Variants in MFSD11 observed in about 807,000 individuals in gnomAD.
The protein encoded by MFSD11 is major facilitator superfamily domain containing 11, also known as UNC93-like protein MFSD11.
MFSD11 carries 36 observed loss-of-function variants against 53.5 expected under a neutral mutation model. The ratio of observed to expected loss-of-function variants is 0.67; its 90% CI spans 0.52 to 0.89. The LOEUF (loss-of-function observed/expected upper bound fraction) is 0.89, where lower values mean the gene tolerates loss of function less well. MFSD11 is among the 40% of genes least tolerant of loss of function. The pLI, the probability that MFSD11 is intolerant of heterozygous loss-of-function variation, is 0.00. For missense variants in MFSD11, 530 were observed against 543.9 expected (o/e 0.97, Z 0.25); for synonymous variants, 186 against 184.9 (o/e 1.01, Z -0.05).
the MFSD11 span, among the ~76,000 whole-genome samples, chr17:76,797,299 A>T: frequency 6.6e-6 from 1 of 152,146 alleles, no homozygotes; most frequent in Non-Finnish European, 1.5e-5. Context: ...TAAGCAAGGG[A>T]TGGATTTTTT....
the MFSD11 span, among the ~76,000 whole-genome samples, chr17:76,797,343 A>G: frequency 1.3e-5 from 2 of 152,170 alleles, no homozygotes; most frequent in Admixed American, 6.6e-5. Context: ...AGCAAGCCCC[A>G]GAACTGAGGG....
At chr17:76,751,000 C>T (rs1310066461) in intron 7 of MFSD11, among the ~76,000 whole-genome samples, 1 of 151,396 alleles carries the variant, frequency 6.6e-6, no homozygotes, top group East Asian at 2.0e-4. Flanking sequence ...GGGGTTTCAC[C>T]ATGTTGGCCA....
Position 76,775,003 on chromosome 17 carries a change from G to T in MFSD11, c.881G>T (p.Ser294Ile). 1.2e-6 allele frequency: 2 copies of T among 1,613,462 alleles called. No individual in the cohort carries two copies. The part of the protein sequence containing the change: ...FIGIGEILGG[S>I]LFGLLSKNNR... ...CTGCCATCTTGACTTATAGGTGGAA[G>T]CCTCTTCGGCCTGCTGAGCAAGAAC... Residue 294 changes from serine to isoleucine, a missense_variant, in exon 11 of 13, where the codon AGC becomes ATC. Ser to Ile is a moderately radical substitution (Grantham distance 142). Transcript: ENST00000685175.
In MFSD11 at chr17:76,744,405, G is replaced by A; in HGVS notation, c.580G>A (p.Asp194Asn). 1 of 1,614,114 alleles carries A rather than the reference G, an allele frequency of 6.2e-7. No homozygotes were observed. Among genetic ancestry groups the A allele is most frequent in the East Asian group, 2.2e-5 (1 of 44,880 alleles). ...TCTATTCTTTCTCATTCGGAAACCAGATTCTGAAAATGTCCTAGGAGAAGA... is the reference window on the plus strand; with the variant it reads ...TCTATTCTTTCTCATTCGGAAACCAAATTCTGAAAATGTCCTAGGAGAAGA... Reference protein sequence around the residue: ...TVLFFLIRKPDSENVLGEDES... With the variant: ...TVLFFLIRKPNSENVLGEDES... The change falls in exon 7 of 13, where the codon GAT becomes AAT. Residue 194 changes from aspartate to asparagine, a missense_variant. Transcript: ENST00000685175.
At chr17:76,748,987 A>G (rs2078799013) in intron 7 of MFSD11, among the ~76,000 whole-genome samples, 2 of 152,146 alleles carry the variant, frequency 1.3e-5, no homozygotes, top group Admixed American at 1.3e-4. Flanking sequence ...AATAAAACAG[A>G]AGTTTGTGCA....
chr17:76,764,514 T>G (rs1286600825), intron 8 of MFSD11, among the ~76,000 whole-genome samples: 1 of 152,252 alleles, frequency 6.6e-6, no homozygotes, highest in Non-Finnish European at 1.5e-5. Flanking sequence ...TTTGTCTTTC[T>G]GTGTCTGGCT....
intron 2 of MFSD11, 113 bp downstream of exon 2, chr17:76,739,106 C>T (rs2077792518): frequency 6.3e-6 from 5 of 799,576 alleles, no homozygotes; most frequent in African/African-American, 3.4e-5. Context: ...GGCATTTTCT[C>T]TTCTCAGTGC....
At chr17:76,767,288 CATT>C in intron 8 of MFSD11, 95 bp from the exon 9 acceptor site, 1 of 686,056 alleles carries the variant, frequency 1.5e-6, no homozygotes, top group South Asian at 1.7e-5. Context: ...CGTTTACTGG[CATT>C]ATTGACAAGG....
At chr17:76,787,502 A>G in the MFSD11 span, among the ~76,000 whole-genome samples, 1 of 150,120 alleles carries the variant, frequency 6.7e-6, no homozygotes, top group Non-Finnish European at 1.5e-5. Flanking sequence ...GAGATTCATT[A>G]TGTAATTGAA....
At chr17:76,760,393 A>AG (rs1410870056) in intron 8 of MFSD11, among the ~76,000 whole-genome samples, 7 of 151,710 alleles carry the variant, frequency 4.6e-5, no homozygotes, top group Non-Finnish European at 1.0e-4. Flanking sequence ...AGGAGGAGGG[A>AG]GGGGGTTGGT....
chr17:76,759,465 C>T (rs1245241908), intron 8 of MFSD11, among the ~76,000 whole-genome samples: 2 of 147,436 alleles, frequency 1.4e-5, no homozygotes, highest in Non-Finnish European at 3.0e-5. Flanking sequence ...TTGTATTTTT[C>T]TTTTTTTGAG....
chr17:76,773,103 T>C (rs2081513359), intron 10 of MFSD11: 1 of 152,308 alleles, frequency 6.6e-6, no homozygotes, highest in Admixed American at 6.5e-5. Context: ...GCTCACTTTA[T>C]GTACTGATCA....
In MFSD11 at chr17:76,776,337, G is replaced by T; in HGVS notation, c.1050-69G>T. 2.0e-6 allele frequency: 3 copies of T among 1,512,976 alleles called. No homozygotes were observed. The highest frequency in any genetic ancestry group is 2.3e-5 in the East Asian group (1 of 43,258). The allele number at this position is 1,512,976 out of a possible 1,614,324, so 93.7% of individuals were successfully genotyped here. ...TGCAGGTAGAATTCTTTTGTGGGTG[G>T]GTTGCTTGTATATTTTAAATGGCTC... On this transcript the variant is annotated intron_variant, in intron 11 of 12. Transcript: ENST00000685175. The surrounding 1 kb of genome is among the most constrained non-coding windows in gnomAD (Gnocchi z 4.2).
the MFSD11 span, among the ~76,000 whole-genome samples, chr17:76,788,397 G>A: frequency 4.1e-5 from 6 of 148,026 alleles, no homozygotes; most frequent in Admixed American, 1.4e-4. Context: ...ACAGAGTCTC[G>A]CTGTGTTATC....
intron 2 of MFSD11, among the ~76,000 whole-genome samples, chr17:76,739,605 C>T (rs2077856302): frequency 6.6e-6 from 1 of 152,038 alleles, no homozygotes; most frequent in Non-Finnish European, 1.5e-5. Flanking sequence ...TGAAAATTGC[C>T]TGTTATTTAT....
chr17:76,736,777 C>A, upstream of MFSD11: 1 of 1,419,126 alleles, frequency 7.0e-7, no homozygotes, highest in Middle Eastern at 2.3e-4. Flanking sequence ...CCGCCTCCCG[C>A]GGTCCCCTCA....
At chr17:76,768,618 T>C (rs1028728753) in intron 9 of MFSD11, among the ~76,000 whole-genome samples, 1 of 152,004 alleles carries the variant, frequency 6.6e-6, no homozygotes, top group African/African-American at 2.4e-5. Flanking sequence ...GAAAAAGGGG[T>C]TTAATTAAAA....
chr17:76,740,561 G>T (rs949815075), intron 2 of MFSD11, among the ~76,000 whole-genome samples: 6 of 152,130 alleles, frequency 3.9e-5, no homozygotes, highest in Non-Finnish European at 8.8e-5. Flanking sequence ...CCACCCAGCT[G>T]GACTTTTGGC....
the MFSD11 span, among the ~76,000 whole-genome samples, chr17:76,803,473 G>C: frequency 1.3e-5 from 2 of 152,204 alleles, no homozygotes; most frequent in East Asian, 3.8e-4. Context: ...TAGGAGTCAT[G>C]CAGCTGGAGG....
Sources: allele counts gnomAD v4.1 joint callset (sites outside exome capture counted in the v4.1 genomes callset), GRCh38; gene constraint gnomAD v4.1.1; non-coding constraint Gnocchi (gnomAD v3.1); transcripts MANE v1.5; gene names NCBI Gene and HGNC (gene_info 2026-07-23, HGNC 2026-07-21).